The following CNTFR variants were observed in gnomAD, a reference collection of about 807,000 sequenced individuals.
The protein encoded by CNTFR is ciliary neurotrophic factor receptor subunit alpha.
Under a neutral mutation model 40.4 loss-of-function variants are expected in CNTFR, and 12 were observed. The ratio of observed to expected loss-of-function variants is 0.30; its 90% CI spans 0.19 to 0.48. The LOEUF is 0.48. CNTFR is among the 20% of genes least tolerant of loss of function. The probability of loss-of-function intolerance (pLI) is 0.99; values close to 1 mark genes in which losing one functional copy is unlikely to be tolerated. For synonymous variants in CNTFR, 202 were observed against 209.6 expected (o/e 0.96, Z 0.31); for missense variants, 414 against 506.8 (o/e 0.82, Z 1.76).
chr9:34,554,511 T>G (rs962845184), intron 7 of CNTFR, among the ~76,000 whole-genome samples: 1 of 152,078 alleles, frequency 6.6e-6, no homozygotes, highest in African/African-American at 2.4e-5. Context: ...GGCTTCTCAA[T>G]TGGCAGGAAC....
In CNTFR at chr9:34,589,137, C is replaced by T. The variant is rs753044793; in HGVS notation, c.-112+418G>A. The stretch of plus-strand genomic sequence containing the variant: ...CAGACGCGCAACCGTCGGTTCGCAT[C>T]CCCGGGCGCTTTGAAGTCCAGATTT... On this transcript the variant is annotated intron_variant, in intron 1 of 9. Coordinates refer to ENST00000378980, the MANE Select transcript of CNTFR (RefSeq NM_147164.3). The surrounding 1 kb of genome is among the most constrained non-coding windows in gnomAD (Gnocchi z 4.4). Among the ~76,000 whole-genome samples the T allele has an allele frequency of 6.6e-6, 1 of 152,108 alleles. No homozygotes were observed. Among genetic ancestry groups the T allele is most frequent in the Admixed American group, 6.5e-5 (1 of 15,278 alleles).
chr9:34,573,976 AG>A lies in CNTFR; in HGVS notation c.1-4996del, dbSNP rs1826814121. On this transcript the variant is annotated intron_variant, in intron 2 of 9. Coordinates refer to ENST00000378980, the MANE Select transcript of CNTFR (RefSeq NM_147164.3). ...GGGCAGGGAGGAACAGTACTGGCTG[AG>A]GGGGGAGCCTGGAAGAGATAGTCAG... Among the ~76,000 whole-genome samples, 6 of 152,246 alleles carry A rather than the reference AG, an allele frequency of 3.9e-5. No individual in the cohort carries two copies. The South Asian group carries it at 8.3e-4, about 21-fold the overall frequency.
chr9:34,587,174 T>G (rs958311573), intron 1 of CNTFR, among the ~76,000 whole-genome samples: 14 of 152,072 alleles, frequency 9.2e-5, no homozygotes, highest in Non-Finnish European at 1.6e-4. Context: ...TGAGAGAGCC[T>G]GTGAGTCCCA....
chr9:34,589,766 C>CCTCCCTCCCTCGCGCG (rs1452334294), upstream of CNTFR: 1 of 150,532 alleles, frequency 6.6e-6, no homozygotes, highest in East Asian at 2.0e-4. The surrounding 1 kb of genome is among the most constrained non-coding windows in gnomAD (Gnocchi z 4.4). Flanking sequence ...CCCCCATCCT[C>CCTCCCTCCCTCGCGCG]CTCCCTCCCT....
At chr9:34,563,989 A>G (rs886457572) in intron 4 of CNTFR, among the ~76,000 whole-genome samples, 8 of 152,034 alleles carry the variant, frequency 5.3e-5, no homozygotes, top group African/African-American at 1.9e-4. Context: ...TCTCCACATC[A>G]ACACCAGCCC....
At chr9:34,583,830 G>A (rs369007369) in intron 1 of CNTFR, among the ~76,000 whole-genome samples, 56 of 152,186 alleles carry the variant, frequency 3.7e-4, no homozygotes, top group East Asian at 2.3e-3. Flanking sequence ...CCCCCATCCC[G>A]CAATTTCACG....
intron 1 of CNTFR, chr9:34,582,630 A>C (rs1337251192): frequency 6.6e-6 from 1 of 152,180 alleles, no homozygotes; most frequent in Non-Finnish European, 1.5e-5. Flanking sequence ...AGATGCAGAG[A>C]CACCACCACC....
chr9:34,561,180 G>A (rs943895871), intron 4 of CNTFR, among the ~76,000 whole-genome samples: 1 of 152,140 alleles, frequency 6.6e-6, no homozygotes, highest in African/African-American at 2.4e-5. Context: ...AAATGCCCCG[G>A]CGACCTCCCA....
In CNTFR at chr9:34,568,978, C is replaced by G; in HGVS notation, c.4G>C (p.Ala2Pro). The G allele has an allele frequency of 6.3e-7, 1 of 1,592,188 alleles. No homozygotes were observed. Among genetic ancestry groups the G allele is most frequent in the South Asian group, 1.1e-5 (1 of 87,658 alleles). The stretch of plus-strand genomic sequence containing the variant: ...CAGCAGGCCCACGGGACAGGAGCAG[C>G]CATCTGTTGGGAGAAACCGGGGTGG... M[A>P]APVPWACCAV... The change falls in exon 3 of 10, where the codon GCT (alanine) becomes CCT (proline). Residue 2 changes from alanine to proline, a missense_variant. Physicochemically the swap from Ala to Pro is conservative, Grantham distance 27. This residue lies in a region of CNTFR where 250 missense variants were observed against 269.5 expected (regional missense o/e 0.93). Coordinates refer to ENST00000378980, the MANE Select transcript of CNTFR (RefSeq NM_147164.3).
upstream of CNTFR, among the ~76,000 whole-genome samples, chr9:34,590,380 C>T (rs183969416): frequency 2.6e-5 from 4 of 152,196 alleles, no homozygotes; most frequent in Non-Finnish European, 5.9e-5. Context: ...CCGGCGTCGC[C>T]GTGAGAGGAA....
At chr9:34,587,252 T>A (rs1303732556) in intron 1 of CNTFR, among the ~76,000 whole-genome samples, 1 of 152,156 alleles carries the variant, frequency 6.6e-6, no homozygotes, top group African/African-American at 2.4e-5. Flanking sequence ...ACCCTGGTCA[T>A]AAGGGCTTCT....
chr9:34,572,691 C>A (rs1188696982), intron 2 of CNTFR, among the ~76,000 whole-genome samples: 1 of 152,210 alleles, frequency 6.6e-6, no homozygotes, highest in Admixed American at 6.5e-5. Flanking sequence ...CATAAAGATA[C>A]CATTACACAA....
chr9:34,557,419 C>T lies in CNTFR; in HGVS notation c.604+107G>A, dbSNP rs1825892297. The T allele has an allele frequency of 7.9e-7, 1 of 1,267,264 alleles. No individual in the cohort carries two copies. The highest frequency in any genetic ancestry group is 1.1e-6 in the Non-Finnish European group (1 of 898,928). The allele number at this position is 1,267,264 out of a possible 1,614,324, so 78.5% of individuals were successfully genotyped here. Reference sequence around the variant, plus strand: ...GTACATACCTGTGCAGAGGCATGTACATGCCATGTATACATGTGCATGCAT... The same window carrying T: ...GTACATACCTGTGCAGAGGCATGTATATGCCATGTATACATGTGCATGCAT... On this transcript the variant is annotated intron_variant, in intron 6 of 9. Transcript: ENST00000378980. The surrounding 1 kb of genome is among the most constrained non-coding windows in gnomAD (Gnocchi z 4.2).
At chr9:34,571,561 TACACACACACACACACACAC>T (rs145378339) in intron 2 of CNTFR, 1 of 148,544 alleles carries the variant, frequency 6.7e-6, no homozygotes, top group Non-Finnish European at 1.5e-5. Context: ...CGCGTGCGCA[TACACACACACACACACACAC>T]ACACACACTC....
intron 1 of CNTFR, among the ~76,000 whole-genome samples, chr9:34,583,116 C>T (rs1426485435): frequency 6.6e-6 from 1 of 152,166 alleles, no homozygotes; most frequent in Non-Finnish European, 1.5e-5. Context: ...GCTGCCAGAC[C>T]AGCCCCCCAT....
At chr9:34,582,084 G>C (rs1363788068) in intron 1 of CNTFR, among the ~76,000 whole-genome samples, 1 of 151,988 alleles carries the variant, frequency 6.6e-6, no homozygotes, top group Non-Finnish European at 1.5e-5. Context: ...GACTAGCCTG[G>C]GCAACATAGT....
At chr9:34,568,812 G>T in intron 3 of CNTFR, 85 bp downstream of exon 3, 2 of 1,219,894 alleles carry the variant, frequency 1.6e-6, no homozygotes, top group Non-Finnish European at 2.4e-6. Flanking sequence ...TGACTCTTGG[G>T]TAGTGTCAGG....
chr9:34,565,089 C>T (rs1404862992), intron 3 of CNTFR, among the ~76,000 whole-genome samples: 1 of 151,996 alleles, frequency 6.6e-6, no homozygotes, highest in Non-Finnish European at 1.5e-5. Context: ...GGGCGATCTT[C>T]TGTGTGTGTG....
chr9:34,586,590 C>T (rs1222623044), intron 1 of CNTFR, among the ~76,000 whole-genome samples: 2 of 152,144 alleles, frequency 1.3e-5, no homozygotes, highest in South Asian at 2.1e-4. Flanking sequence ...CCACCTGGCC[C>T]TTCTCTACCA....
Sources: allele counts gnomAD v4.1 joint callset (sites outside exome capture counted in the v4.1 genomes callset), GRCh38; gene constraint gnomAD v4.1.1; regional missense constraint gnomAD v4.1.1; non-coding constraint Gnocchi (gnomAD v3.1); transcripts MANE v1.5; gene names NCBI Gene and HGNC (gene_info 2026-07-23, HGNC 2026-07-21).